BTN3A2: variants seen among roughly 807,000 people sequenced by gnomAD.
BTN3A2 encodes butyrophilin subfamily 3 member A2.
A neutral mutation model predicts 37.6 loss-of-function variants in BTN3A2; 25 were observed. That is an observed-to-expected ratio of 0.66 (90% CI 0.48 to 0.93). The LOEUF (loss-of-function observed/expected upper bound fraction) is 0.93, where lower values mean the gene tolerates loss of function less well. BTN3A2 is among the 40% of genes least tolerant of loss of function. BTN3A2 has a pLI of 0.00. For missense variants in BTN3A2, 266 were observed against 410.9 expected (o/e 0.65, Z 3.05); for synonymous variants, 122 against 159.4 (o/e 0.77, Z 1.77).
chr6:26,369,168 G>A (rs897807329), intron 4 of BTN3A2, among the ~76,000 whole-genome samples: 49 of 152,206 alleles, frequency 3.2e-4, no homozygotes, highest in Non-Finnish European at 6.2e-4. Context: ...AGTGAAGGAC[G>A]AGGGATAGGA....
Position 26,373,003 on chromosome 6 carries a change from G to GA in BTN3A2, c.824dup (p.Glu276GlyfsTer8). ...CCAGTTACTTCTTGTGGAGACAACA[G>GA]AAGGAAATAACTGCTCTGTCCAGTG... On this transcript the variant is annotated frameshift_variant, in exon 6 of 11. Coordinates refer to ENST00000377708, the MANE Select transcript of BTN3A2 (RefSeq NM_007047.5). LOFTEE classifies it high-confidence loss of function. 3.7e-6 allele frequency: 6 copies of GA among 1,614,240 alleles called. No homozygotes were observed. Among genetic ancestry groups the GA allele is most frequent in the Non-Finnish European group, 5.1e-6 (6 of 1,180,042 alleles).
intron 4 of BTN3A2, 128 bp from the exon 5 acceptor site, chr6:26,370,194 A>G: frequency 7.9e-7 from 1 of 1,273,466 alleles, no homozygotes; most frequent in Non-Finnish European, 1.1e-6. Context: ...TCATGACCAC[A>G]CTTTTGTAAA....
rs757165562 is a variant in BTN3A2 at position 26,377,782 on chromosome 6, G to A, written c.*2020G>A. ...CGAGATCACTGTGAGTGGTTGTGGA[G>A]TTAAGACCCCTATGGACTCCTTCCC... is the stretch of plus-strand genomic sequence containing the variant. On this transcript the variant is annotated 3_prime_UTR_variant, in exon 11 of 11. Transcript: ENST00000377708. 9.9e-5 allele frequency: 16 copies of A among 161,476 alleles called. No homozygotes were observed. Among genetic ancestry groups the A allele is most frequent in the Non-Finnish European group, 1.6e-4 (12 of 72,996 alleles). The allele number at this position is 161,476 out of a possible 1,614,324, so 10.0% of individuals were successfully genotyped here. A position where few individuals can be genotyped will look rare whatever the true frequency, so the allele number is the denominator to read the frequency against.
rs995115807 is a variant in BTN3A2, at chr6:26,374,637, G to A, written c.*7-134G>A. 2.8e-6 allele frequency: 3 copies of A among 1,075,898 alleles called. No individual in the cohort carries two copies. The African/African-American group carries it at 4.8e-5, about 17-fold the overall frequency. The allele number at this position is 1,075,898 out of a possible 1,614,324, so 66.6% of individuals were successfully genotyped here. A position where few individuals can be genotyped will look rare whatever the true frequency, so the allele number is the denominator to read the frequency against. On this transcript the variant is annotated intron_variant, in intron 9 of 10. Transcript: ENST00000377708. ...AAGGTGCCACCTCTGATCCATCAGAGCTGTAGAGGAGGGAAGCTGGACCCT... is the reference window on the plus strand; with the variant it reads ...AAGGTGCCACCTCTGATCCATCAGAACTGTAGAGGAGGGAAGCTGGACCCT...
At position 26,368,065 on chromosome 6, in the gene BTN3A2, G is replaced by A. The variant is rs192635057; in HGVS notation, c.-6+15G>A. On this transcript the variant is annotated intron_variant, in intron 2 of 10. Transcript: ENST00000377708. ...TTTTGGCAGAGGTAAGATCTTCTTC[G>A]GTCACCATATTTGAGTTAGCCCTGG... The A allele has an allele frequency of 1.8e-4, 284 of 1,550,472 alleles. 4 individuals are homozygous for A. In the East Asian group the frequency reaches 5.8e-3, roughly 32 times the overall value.
intron 8 of BTN3A2, 176 bp from the exon 9 acceptor site, chr6:26,374,151 G>A: frequency 1.9e-6 from 1 of 517,248 alleles, no homozygotes; most frequent in Non-Finnish European, 3.3e-6. Flanking sequence ...AAGAAGAGGT[G>A]AAGAAAGAAT....
Position 26,372,839 on chromosome 6 carries a change from G to A in BTN3A2, c.716-58G>A. ...CTGAGCAGCTAAAGCTTGGGGTGCTGCAGGCTGGGGAGGCTGAGCGCACCA... is the reference window on the plus strand; with the variant it reads ...CTGAGCAGCTAAAGCTTGGGGTGCTACAGGCTGGGGAGGCTGAGCGCACCA... On this transcript the variant is annotated intron_variant, in intron 5 of 10. Transcript: ENST00000377708. 3.1e-6 allele frequency: 5 copies of A among 1,600,896 alleles called. No individual in the cohort carries two copies. In the South Asian group the frequency reaches 5.5e-5, roughly 18 times the overall value.
In BTN3A2 at chr6:26,370,360, G is replaced by A. The variant is rs771167658; in HGVS notation, c.472G>A (p.Glu158Lys). Residue 158 changes from glutamate (E) to lysine (K), a missense_variant, in exon 5 of 11, where the codon GAG becomes AAG. Physicochemically the swap from Glu to Lys is moderately conservative, Grantham distance 56 (BLOSUM62 1). Transcript: ENST00000377708. ...SNLHVEVKGY[E>K]DGGIHLECRS... ...TCTTCACGTCGAAGTGAAGGGTTAT[G>A]AGGATGGAGGGATCCATCTGGAGTG... 4 of 1,614,010 alleles carry A rather than the reference G, an allele frequency of 2.5e-6. No individual in the cohort carries two copies. Among genetic ancestry groups the A allele is most frequent in the Non-Finnish European group, 3.4e-6 (4 of 1,180,038 alleles).
In BTN3A2 at chr6:26,370,377, T is replaced by C. The variant is rs9379860; in HGVS notation, c.489T>C (p.His163=). The change falls in exon 5 of 11, where the codon CAT becomes CAC. Residue 163 remains histidine, a synonymous_variant. Coordinates refer to ENST00000377708, the MANE Select transcript of BTN3A2 (RefSeq NM_007047.5). ...AGGGTTATGAGGATGGAGGGATCCA[T>C]CTGGAGTGCAGGTCCACCGGCTGGT... is the stretch of plus-strand genomic sequence containing the variant. ...EVKGYEDGGI[H]LECRSTGWYP... is the part of the protein sequence containing the mutation. 0.39 allele frequency: 628,523 copies of C among 1,613,180 alleles called. 124,586 individuals carry two copies. The highest frequency in any genetic ancestry group is 0.42 in the African/African-American group (31,820 of 74,920).
chr6:26,375,935 A>T lies in BTN3A2; in HGVS notation c.*173A>T. 7.3e-7 allele frequency: 1 copy of T among 1,366,898 alleles called. No individual in the cohort carries two copies. Among genetic ancestry groups the T allele is most frequent in the South Asian group, 1.3e-5 (1 of 75,576 alleles). The allele number at this position is 1,366,898 out of a possible 1,614,324, so 84.7% of individuals were successfully genotyped here. On this transcript the variant is annotated 3_prime_UTR_variant, in exon 11 of 11. Coordinates refer to ENST00000377708, the MANE Select transcript of BTN3A2 (RefSeq NM_007047.5). ...AAAATTAACCTCTGAGGGCCAGCAC[A>T]GCAGCTCATGCCTGTAATCCTAGCA...
chr6:26,376,299 C>A lies in BTN3A2; in HGVS notation c.*537C>A. 5.1e-6 allele frequency: 1 copy of A among 194,734 alleles called. No homozygotes were observed. Among genetic ancestry groups the A allele is most frequent in the Non-Finnish European group, 1.0e-5 (1 of 96,078 alleles). 12.1% of individuals were successfully genotyped at this position (194,734 alleles called of 1,614,324 possible). ...GGCAGAATCAATGTGGGGAGGGAAA[C>A]AACAAAAATGTAGAAAGAGGATCCT... is the stretch of plus-strand genomic sequence containing the variant. On this transcript the variant is annotated 3_prime_UTR_variant, in exon 11 of 11. Transcript: ENST00000377708.
Position 26,377,511 on chromosome 6 carries a change from A to G in BTN3A2, c.*1749A>G, listed in dbSNP as rs1305402563. 1 of 326,582 alleles carries G rather than the reference A, an allele frequency of 3.1e-6. No individual in the cohort carries two copies. The highest frequency in any genetic ancestry group is 2.9e-5 in the South Asian group (1 of 34,536). 20.2% of individuals were successfully genotyped at this position (326,582 alleles called of 1,614,324 possible). ...AAAACGTTCTGAGTGCTGTGTTATG[A>G]GCTTTGGTGGGTGTCACTCCTTTAA... On this transcript the variant is annotated 3_prime_UTR_variant, in exon 11 of 11. Transcript: ENST00000377708.
chr6:26,377,077 C>G lies in BTN3A2; in HGVS notation c.*1315C>G. ...AGAATTTTGACCTTGGAGCCCACTG[C>G]CCTGACCGTTTGCCCAATACCAAAA... On this transcript the variant is annotated 3_prime_UTR_variant, in exon 11 of 11. Transcript: ENST00000377708. 1 of 1,364,710 alleles carries G rather than the reference C, an allele frequency of 7.3e-7. No individual in the cohort carries two copies. The highest frequency in any genetic ancestry group is 1.0e-6 in the Non-Finnish European group (1 of 954,496). 84.5% of individuals were successfully genotyped at this position (1,364,710 alleles called of 1,614,324 possible).
At chr6:26,373,325 A>G in intron 7 of BTN3A2, 29 bp downstream of exon 7, 2 of 1,594,924 alleles carry the variant, frequency 1.3e-6, no homozygotes, top group Non-Finnish European at 8.5e-7. Context: ...AGAGATCCAG[A>G]CATGTCTTCC....
intron 1 of BTN3A2, among the ~76,000 whole-genome samples, chr6:26,366,000 C>G (rs1254453727): frequency 3.3e-5 from 5 of 152,050 alleles, no homozygotes; most frequent in Non-Finnish European, 7.4e-5. Flanking sequence ...TTATATTAAA[C>G]CATTTTTGGT....
intron 1 of BTN3A2, among the ~76,000 whole-genome samples, chr6:26,367,222 G>T (rs1759598421): frequency 6.6e-6 from 1 of 152,158 alleles, no homozygotes; most frequent in South Asian, 2.1e-4. Context: ...TCCTCCTAGG[G>T]ATGAGCCATC....
Position 26,375,420 on chromosome 6 carries a change from C to A in BTN3A2, c.*35-377C>A, listed in dbSNP as rs1226661028. 5 of 474,526 alleles carry A rather than the reference C, an allele frequency of 1.1e-5. No individual in the cohort carries two copies. In the East Asian group the frequency reaches 1.8e-4, roughly 17 times the overall value. 29.4% of individuals were successfully genotyped at this position (474,526 alleles called of 1,614,324 possible). A position where few individuals can be genotyped will look rare whatever the true frequency, so the allele number is the denominator to read the frequency against. ...GAGCTTCCTGAGAAGAGTCCTCGGGCCTTGTTAGAGCACCACCAGCTGCTG... is the reference window on the plus strand; with the variant it reads ...GAGCTTCCTGAGAAGAGTCCTCGGGACTTGTTAGAGCACCACCAGCTGCTG... On this transcript the variant is annotated intron_variant, in intron 10 of 10. Transcript: ENST00000377708.
intron 5 of BTN3A2, 81 bp from the exon 6 acceptor site, chr6:26,372,816 G>A: frequency 6.5e-7 from 1 of 1,547,610 alleles, no homozygotes; most frequent in South Asian, 1.1e-5. Context: ...GACCTGAGCT[G>A]AGCAGCTAAA....
intron 3 of BTN3A2, 120 bp downstream of exon 3, chr6:26,368,387 C>T (rs1020457677): frequency 6.5e-7 from 1 of 1,531,124 alleles, no homozygotes. Context: ...ATTCCCATAC[C>T]TGGAAGTCCA....
Sources: gnomAD v4.1 joint callset for allele counts (sites outside exome capture counted in the v4.1 genomes callset) on GRCh38, gnomAD v4.1.1 for gene constraint, MANE v1.5 for transcripts, NCBI Gene and HGNC (gene_info 2026-07-23, HGNC 2026-07-21) for gene names.